Variants in RAPH1 observed in about 807,000 individuals in gnomAD.
The protein encoded by RAPH1 is ras-associated and pleckstrin homology domains-containing protein 1.
In RAPH1, 18 loss-of-function variants were observed where a neutral mutation model predicts 88.1. The ratio of observed to expected loss-of-function variants is 0.20; its 90% confidence interval spans 0.14 to 0.30. RAPH1 has a LOEUF of 0.30. RAPH1 is among the 10% of genes least tolerant of loss of function. The pLI, the probability that RAPH1 is intolerant of heterozygous loss-of-function variation, is 1.00. For synonymous variants in RAPH1, 587 were observed against 559.0 expected (o/e 1.05, Z -0.71); for missense variants, 1,448 against 1,543.2 (o/e 0.94, Z 1.03).
chr2:203,533,801 C>T (rs1690494290), intron 1 of RAPH1, among the ~76,000 whole-genome samples: 1 of 152,112 alleles, frequency 6.6e-6, no homozygotes, highest in South Asian at 2.1e-4. Flanking sequence ...CACCTCTATG[C>T]CAGGCAAGGT....
chr2:203,506,434 G>GA (rs995675922), intron 1 of RAPH1, among the ~76,000 whole-genome samples: 39 of 149,746 alleles, frequency 2.6e-4, no homozygotes, highest in Middle Eastern at 3.4e-3. Flanking sequence ...GCAGGGCAGG[G>GA]AAAAAAAACA....
intron 1 of RAPH1, among the ~76,000 whole-genome samples, chr2:203,506,264 A>T (rs1035774628): frequency 1.4e-4 from 22 of 152,204 alleles, no homozygotes; most frequent in African/African-American, 5.1e-4. Flanking sequence ...ATAAAGACAG[A>T]GATGTGTGTA....
intron 1 of RAPH1, among the ~76,000 whole-genome samples, chr2:203,501,367 T>A (rs1688732889): frequency 6.6e-6 from 1 of 152,248 alleles, no homozygotes; most frequent in Non-Finnish European, 1.5e-5. Flanking sequence ...ACAACTACAC[T>A]ATTTTAAAAC....
intron 1 of RAPH1, among the ~76,000 whole-genome samples, chr2:203,514,973 AT>A (rs1559500151): frequency 6.6e-6 from 1 of 152,184 alleles, no homozygotes; most frequent in African/African-American, 2.4e-5. Context: ...CTTCAGAATA[AT>A]GCTGCCATAT....
chr2:203,459,999 C>G lies in RAPH1; in HGVS notation c.1000G>C (p.Val334Leu). 1 of 1,609,926 alleles carries G rather than the reference C, an allele frequency of 6.2e-7. No homozygotes were observed. The highest frequency in any genetic ancestry group is 8.5e-7 in the Non-Finnish European group (1 of 1,177,046). The change falls in exon 7 of 14, where the codon GTT becomes CTT. Residue 334 changes from valine to leucine, a missense_variant. This residue lies in a region of RAPH1 where 513 missense variants were observed against 653.1 expected (regional missense o/e 0.79). Coordinates refer to ENST00000319170, the MANE Select transcript of RAPH1 (RefSeq NM_213589.3). ...CTTGTCCAATTAAGAAGATTTTCAA[C>G]CAAGTTTTCATGGTCTTCAAAGATT... ...ERIFEDHENL[V>L]ENLLNWTRDS...
chr2:203,442,032 G>GTT, intron 13 of RAPH1: 1 of 1,574,332 alleles, frequency 6.4e-7, no homozygotes, highest in Non-Finnish European at 8.6e-7. Context: ...AACATGCACA[G>GTT]AAGTCCAGCA....
chr2:203,505,889 C>T (rs899589835), intron 1 of RAPH1, among the ~76,000 whole-genome samples: 1 of 152,150 alleles, frequency 6.6e-6, no homozygotes, highest in African/African-American at 2.4e-5. Flanking sequence ...AGACCTTTTG[C>T]TGTTATACTA....
chr2:203,516,896 T>TGGTGGTGGGCGC (rs1183474344), intron 1 of RAPH1, among the ~76,000 whole-genome samples: 5 of 151,230 alleles, frequency 3.3e-5, no homozygotes, highest in Non-Finnish European at 5.9e-5. Context: ...TAGCTGGGCG[T>TGGTGGTGGGCGC]GGTGGTGGGC....
At position 203,457,526 on chromosome 2, in the gene RAPH1, A is replaced by C. The variant is rs1355155025; in HGVS notation, c.1158+4T>G. The stretch of plus-strand genomic sequence containing the variant: ...AATGTGCAGGAAAATGGGGGTTGTC[A>C]TACCTCCAAGAGGACTTCTTTGTTT... On this transcript the variant is annotated splice_donor_region_variant and intron_variant, in intron 8 of 13. Transcript: ENST00000319170. 1.2e-6 allele frequency: 2 copies of C among 1,610,398 alleles called. No individual in the cohort carries two copies. Among genetic ancestry groups the C allele is most frequent in the Admixed American group, 1.7e-5 (1 of 60,004 alleles).
At chr2:203,512,550 TA>T (rs1331782673) in intron 1 of RAPH1, among the ~76,000 whole-genome samples, 1 of 150,890 alleles carries the variant, frequency 6.6e-6, no homozygotes, top group Non-Finnish European at 1.5e-5. Flanking sequence ...AAGAATAGTC[TA>T]AAAAACTTAT....
At chr2:203,457,925 G>A (rs1180863018) in intron 7 of RAPH1, among the ~76,000 whole-genome samples, 6 of 152,124 alleles carry the variant, frequency 3.9e-5, no homozygotes, top group Non-Finnish European at 8.8e-5. Context: ...GGATCTGAAA[G>A]GTTTAGAAAT....
At chr2:203,493,317 C>G (rs1688356619) in intron 2 of RAPH1, among the ~76,000 whole-genome samples, 2 of 152,144 alleles carry the variant, frequency 1.3e-5, no homozygotes, top group Admixed American at 1.3e-4. Flanking sequence ...CATGTAGTTC[C>G]TAGTTCACCC....
intron 7 of RAPH1, among the ~76,000 whole-genome samples, chr2:203,458,591 T>G (rs2098521735): frequency 6.6e-6 from 1 of 152,190 alleles, no homozygotes; most frequent in Admixed American, 6.5e-5. Flanking sequence ...CCTAATACAA[T>G]GCCTACCTAT....
Position 203,448,169 on chromosome 2 carries a change from C to T in RAPH1, c.1513-90G>A, listed in dbSNP as rs1441089634. On this transcript the variant is annotated intron_variant, in intron 11 of 13. Coordinates refer to ENST00000319170, the MANE Select transcript of RAPH1 (RefSeq NM_213589.3). The surrounding 1 kb of genome is among the most constrained non-coding windows in gnomAD (Gnocchi z 4.1). ...GAAATGGGGGACATATTTCTGTTTA[C>T]TGATTGATGGTCTGTATTAAAATTA... The T allele has an allele frequency of 8.0e-7, 1 of 1,257,514 alleles. No individual in the cohort carries two copies. The highest frequency in any genetic ancestry group is 2.4e-5 in the East Asian group (1 of 42,470). The allele number at this position is 1,257,514 out of a possible 1,614,324, so 77.9% of individuals were successfully genotyped here. A position where few individuals can be genotyped will look rare whatever the true frequency, so the allele number is the denominator to read the frequency against.
At chr2:203,499,952 T>C (rs2105873428) in intron 1 of RAPH1, among the ~76,000 whole-genome samples, 1 of 152,244 alleles carries the variant, frequency 6.6e-6, no homozygotes, top group East Asian at 1.9e-4. Flanking sequence ...CCCTCTAAAC[T>C]TAAAACCACA....
chr2:203,446,909 TAA>T (rs34766351), intron 12 of RAPH1: 258 of 133,096 alleles, frequency 1.9e-3, no homozygotes, highest in African/African-American at 3.9e-3. Context: ...CTGGCTAATT[TAA>T]AAAAAAAAAA....
intron 1 of RAPH1, among the ~76,000 whole-genome samples, chr2:203,510,368 T>C: frequency 6.7e-6 from 1 of 148,564 alleles, no homozygotes; most frequent in Admixed American, 6.7e-5. Context: ...AAAGTCCTCT[T>C]GAGGTTCTTG....
rs397937732 is a variant in RAPH1 at position 203,493,971 on chromosome 2, C to CAAAAAAAAAAAAA, written c.120+1250_120+1262dup. 2.3e-3 allele frequency among the ~76,000 whole-genome samples: 43 copies of CAAAAAAAAAAAAA among 18,924 alleles called. 1 individual carries two copies. The highest frequency in any genetic ancestry group is 2.6e-3 in the Non-Finnish European group (22 of 8,420). The allele number at this position is 18,924 out of a possible 152,430, so 12.4% of individuals were successfully genotyped here. A position where few individuals can be genotyped will look rare whatever the true frequency, so the allele number is the denominator to read the frequency against. On this transcript the variant is annotated intron_variant, in intron 2 of 13. Transcript: ENST00000319170. Reference sequence around the variant, plus strand: ...GGGCGACAGGAGTGAGACTCTATCTCAAAAAAAAAAAAAAAAAAAAAAAAA... The same window carrying CAAAAAAAAAAAAA: ...GGGCGACAGGAGTGAGACTCTATCTCAAAAAAAAAAAAAAAAAAAAAAAAAAAAAAAAAAAAAA...
intron 1 of RAPH1, among the ~76,000 whole-genome samples, chr2:203,524,992 G>A (rs1029284538): frequency 1.3e-5 from 2 of 152,130 alleles, no homozygotes; most frequent in African/African-American, 4.8e-5. Context: ...TCAATACAAA[G>A]TTTTTAAAAG....
Sources: allele counts gnomAD v4.1 joint callset (sites outside exome capture counted in the v4.1 genomes callset), GRCh38; gene constraint gnomAD v4.1.1; regional missense constraint gnomAD v4.1.1; non-coding constraint Gnocchi (gnomAD v3.1); transcripts MANE v1.5; gene names NCBI Gene and HGNC (gene_info 2026-07-23, HGNC 2026-07-21).